SLC26A7: variants seen among roughly 807,000 people sequenced by gnomAD.
SLC26A7 encodes the protein solute carrier family 26 member 7, also known as anion exchange transporter.
SLC26A7 carries 59 observed loss-of-function variants against 82.5 expected under a neutral mutation model. The ratio of observed to expected loss-of-function variants is 0.72; its 90% CI spans 0.58 to 0.89. The LOEUF (loss-of-function observed/expected upper bound fraction) is 0.89, where lower values mean the gene tolerates loss of function less well. Among genes scored for constraint, SLC26A7 ranks in the 40% least tolerant of loss-of-function variants. The pLI, the probability that SLC26A7 is intolerant of heterozygous loss-of-function variation, is 0.00. For synonymous variants in SLC26A7, 271 were observed against 274.3 expected, an observed-to-expected ratio of 0.99 and a Z score of 0.12; for missense variants, 820 against 793.0, an observed-to-expected ratio of 1.03 and a Z score of -0.41.
rs1813098821 is a variant in SLC26A7 at position 91,332,148 on chromosome 8, TATATATATATACACACAC to T, written c.643-2135_643-2118del. On this transcript the variant is annotated intron_variant, in intron 5 of 18. Coordinates refer to ENST00000276609, the MANE Select transcript of SLC26A7 (RefSeq NM_052832.4). ...TTCTTACTGTTTTAAATTTTTCATA[TATATATATATACACACAC>T]ATATATATATAATATGTTTTTAAGT... Among the ~76,000 whole-genome samples, 3 of 147,330 alleles carry T rather than the reference TATATATATATACACACAC, an allele frequency of 2.0e-5. No homozygotes were observed. In the South Asian group the frequency reaches 6.3e-4, roughly 31 times the overall value.
intron 9 of SLC26A7, among the ~76,000 whole-genome samples, chr8:91,346,781 C>T (rs1813575084): frequency 6.6e-6 from 1 of 152,158 alleles, no homozygotes; most frequent in African/African-American, 2.4e-5. Flanking sequence ...GCACAGCCTC[C>T]TCTTGGCCTG....
chr8:91,360,401 T>C lies in SLC26A7; in HGVS notation c.1315-1952T>C, dbSNP rs775722333. On this transcript the variant is annotated intron_variant, in intron 11 of 18. Coordinates refer to ENST00000276609, the MANE Select transcript of SLC26A7 (RefSeq NM_052832.4). ...TAGGGGCCCGAGAGCCAACTAATTC[T>C]TGATAACTGTGACAACTAGCATTTG... 1.6e-4 allele frequency among the ~76,000 whole-genome samples: 25 copies of C among 152,182 alleles called. 1 individual carries two copies. The highest frequency in any genetic ancestry group is 3.5e-4 in the Non-Finnish European group (24 of 68,022).
At chr8:91,276,924 G>T (rs1023927040) in intron 2 of SLC26A7, among the ~76,000 whole-genome samples, 1 of 152,116 alleles carries the variant, frequency 6.6e-6, no homozygotes, top group Non-Finnish European at 1.5e-5. Context: ...AGTAAAAATG[G>T]TAAGAAGAAA....
chr8:91,350,237 C>G (rs1813675926), intron 9 of SLC26A7, among the ~76,000 whole-genome samples: 1 of 152,054 alleles, frequency 6.6e-6, no homozygotes, highest in African/African-American at 2.4e-5. Flanking sequence ...TGCCACTCCA[C>G]TCTCCTTCTT....
chr8:91,372,905 CAG>C (rs1423544486), intron 15 of SLC26A7, among the ~76,000 whole-genome samples: 8 of 151,898 alleles, frequency 5.3e-5, no homozygotes, highest in Non-Finnish European at 1.2e-4. Context: ...TTTCTTTCAT[CAG>C]TGTTTTGTAG....
intron 15 of SLC26A7, among the ~76,000 whole-genome samples, chr8:91,375,177 A>C (rs929669480): frequency 2.0e-5 from 3 of 151,256 alleles, no homozygotes; most frequent in African/African-American, 7.3e-5. Flanking sequence ...TTGGGTCTTT[A>C]AAAAAAAATC....
chr8:91,373,156 G>A (rs914235162), intron 15 of SLC26A7, among the ~76,000 whole-genome samples: 8 of 151,746 alleles, frequency 5.3e-5, no homozygotes, highest in South Asian at 2.1e-4. Context: ...GTATAGAATT[G>A]TATCATTTGT....
chr8:91,232,767 G>A (rs1356419048), intron 2 of SLC26A7, among the ~76,000 whole-genome samples: 8 of 152,326 alleles, frequency 5.3e-5, no homozygotes, highest in African/African-American at 1.9e-4. Context: ...ATCAGGCACT[G>A]CCTATGCCTA....
chr8:91,351,808 A>G lies in SLC26A7; in HGVS notation c.1141-2A>G. Reference sequence around the variant, plus strand: ...CCTTTTTGTCTGTCTTGTATTTTACAGGTGGCTTGTCTAATATCTTGCATT... The same window carrying G: ...CCTTTTTGTCTGTCTTGTATTTTACGGGTGGCTTGTCTAATATCTTGCATT... On this transcript the variant is annotated splice_acceptor_variant, in intron 9 of 18. Coordinates refer to ENST00000276609, the MANE Select transcript of SLC26A7 (RefSeq NM_052832.4). LOFTEE classifies it high-confidence loss of function. The G allele has an allele frequency of 6.2e-7, 1 of 1,605,732 alleles. No individual in the cohort carries two copies. Among genetic ancestry groups the G allele is most frequent in the Non-Finnish European group, 8.5e-7 (1 of 1,173,300 alleles).
intron 1 of SLC26A7, among the ~76,000 whole-genome samples, chr8:91,216,770 G>A (rs1810055382): frequency 6.6e-6 from 1 of 152,088 alleles, no homozygotes; most frequent in African/African-American, 2.4e-5. Flanking sequence ...AATATTATAT[G>A]TGTCTGTCAT....
chr8:91,367,873 T>C (rs1359778400), intron 14 of SLC26A7, among the ~76,000 whole-genome samples: 1 of 152,176 alleles, frequency 6.6e-6, no homozygotes, highest in Non-Finnish European at 1.5e-5. Context: ...GACCCTCCCA[T>C]TTCTGATGTC....
At chr8:91,335,251 A>G (rs377034547) in intron 6 of SLC26A7, among the ~76,000 whole-genome samples, 4 of 152,278 alleles carry the variant, frequency 2.6e-5, no homozygotes, top group East Asian at 3.9e-4. Flanking sequence ...TTTATGTACA[A>G]TTATAAGGCT....
At chr8:91,295,069 T>C (rs1811979019) in intron 3 of SLC26A7, among the ~76,000 whole-genome samples, 1 of 152,098 alleles carries the variant, frequency 6.6e-6, no homozygotes, top group Non-Finnish European at 1.5e-5. Flanking sequence ...TTTACTGAGG[T>C]CTTCATACCT....
At chr8:91,249,957 C>A in intron 2 of SLC26A7, 113 bp downstream of exon 2, 1 of 784,054 alleles carries the variant, frequency 1.3e-6, no homozygotes, top group Non-Finnish European at 1.8e-6. Flanking sequence ...TGGATATTAG[C>A]TGTGGGGAAA....
chr8:91,278,913 G>A (rs183539978), intron 2 of SLC26A7, among the ~76,000 whole-genome samples: 3 of 151,362 alleles, frequency 2.0e-5, no homozygotes, highest in East Asian at 1.9e-4. Context: ...TCCAAATCCC[G>A]ACCCACCTTA....
rs1419735050 is a variant in SLC26A7 at position 91,216,947 on chromosome 8, T to C, written c.-149-1943T>C. Reference sequence around the variant, plus strand: ...TAGTTCACCCTCCCCGAAATGTCCTTTTGGTTTCTCCCCAGGCAGACACAT... The same window carrying C: ...TAGTTCACCCTCCCCGAAATGTCCTCTTGGTTTCTCCCCAGGCAGACACAT... On this transcript the variant is annotated intron_variant, in intron 1 of 5. Coordinates refer to the SLC26A7 transcript ENST00000522862. Among the ~76,000 whole-genome samples, 3 of 152,124 alleles carry C rather than the reference T, an allele frequency of 2.0e-5. No homozygotes were observed. In the East Asian group the frequency reaches 5.8e-4, roughly 29 times the overall value.
rs1184549856 is a variant in SLC26A7, at chr8:91,363,482, G to T, written c.1432G>T (p.Val478Leu). The T allele has an allele frequency of 6.7e-7, 1 of 1,498,176 alleles. No homozygotes were observed. Among genetic ancestry groups the T allele is most frequent in the African/African-American group, 1.4e-5 (1 of 71,766 alleles). The allele number at this position is 1,498,176 out of a possible 1,614,324, so 92.8% of individuals were successfully genotyped here. A position where few individuals can be genotyped will look rare whatever the true frequency, so the allele number is the denominator to read the frequency against. The change falls in exon 13 of 19, where the codon GTA (valine) becomes TTA (leucine). Residue 478 changes from valine (V) to leucine (L), a missense_variant. Physicochemically the swap from Val to Leu is conservative, Grantham distance 32 (BLOSUM62 1). Coordinates refer to ENST00000276609, the MANE Select transcript of SLC26A7 (RefSeq NM_052832.4). ...CTGCTTTAATTTCAGAGCAATGACT[G>T]TAAGTATAAAAAATATGAAAGAAAT... The part of the protein sequence containing the change: ...VIGRFPRAMT[V>L]SIKNMKEMEF...
intron 15 of SLC26A7, among the ~76,000 whole-genome samples, chr8:91,381,589 C>A (rs1310066121): frequency 6.6e-6 from 1 of 152,032 alleles, no homozygotes; most frequent in Non-Finnish European, 1.5e-5. Context: ...CTGACCAGGC[C>A]CACTTTGCAC....
At chr8:91,359,276 A>G (rs982099769) in intron 11 of SLC26A7, among the ~76,000 whole-genome samples, 10 of 152,316 alleles carry the variant, frequency 6.6e-5, no homozygotes, top group African/African-American at 1.9e-4. Flanking sequence ...GAACTTGTGA[A>G]ATGATTGGAT....
Sources: allele counts gnomAD v4.1 joint callset (sites outside exome capture counted in the v4.1 genomes callset), GRCh38; gene constraint gnomAD v4.1.1; transcripts MANE v1.5; gene names NCBI Gene and HGNC (gene_info 2026-07-23, HGNC 2026-07-21).